MLLT10: variants seen among roughly 807,000 people sequenced by gnomAD.
MLLT10 encodes MLLT10 histone lysine methyltransferase DOT1L cofactor.
A neutral mutation model predicts 129.1 loss-of-function variants in MLLT10; 30 were observed. The observed-to-expected ratio is 0.23, with a 90% CI of 0.17 to 0.32. The LOEUF is 0.32. Among genes scored for constraint, MLLT10 ranks in the 10% least tolerant of loss-of-function variants. The pLI, the probability that MLLT10 is intolerant of heterozygous loss-of-function variation, is 1.00. For missense variants in MLLT10, 1,119 were observed against 1,268.3 expected, an observed-to-expected ratio of 0.88 and a Z score of 1.79; for synonymous variants, 490 against 446.4, an observed-to-expected ratio of 1.10 and a Z score of -1.23.
At chr10:21,619,029 TAC>T (rs66469025) in intron 8 of MLLT10, among the ~76,000 whole-genome samples, 9,073 of 143,674 alleles carry the variant, frequency 0.063, 262 homozygotes, top group South Asian at 0.11. Flanking sequence ...CCTGGTGACA[TAC>T]ACACACACAC....
intron 5 of MLLT10, among the ~76,000 whole-genome samples, chr10:21,610,253 G>A (rs1240280604): frequency 6.6e-6 from 1 of 152,218 alleles, no homozygotes; most frequent in East Asian, 1.9e-4. Flanking sequence ...TGAGGATGGG[G>A]ATCTGTGAAT....
chr10:21,660,589 G>A (rs1451613885), intron 9 of MLLT10, among the ~76,000 whole-genome samples: 2 of 140,364 alleles, frequency 1.4e-5, no homozygotes, highest in Admixed American at 7.2e-5. Context: ...GCACTCCAGC[G>A]CGGGTGACAG....
intron 13 of MLLT10, among the ~76,000 whole-genome samples, chr10:21,700,316 A>G (rs4748761): frequency 0.77 from 116,835 of 152,060 alleles, 45,906 homozygotes; most frequent in East Asian, 0.99. Context: ...CTGCAAAGTA[A>G]TGAATTTTAC....
At chr10:21,593,747 T>C (rs2042731462) in intron 4 of MLLT10, among the ~76,000 whole-genome samples, 2 of 151,448 alleles carry the variant, frequency 1.3e-5, no homozygotes, top group Admixed American at 6.6e-5. Context: ...GTCAACATAG[T>C]GAAACATGGT....
rs920886698 is a variant in MLLT10 at position 21,714,405 on chromosome 10, A to T, written c.1878+455A>T. Among the ~76,000 whole-genome samples the T allele has an allele frequency of 6.6e-5, 10 of 152,228 alleles. No homozygotes were observed. In the East Asian group the frequency reaches 1.9e-3, roughly 29 times the overall value. ...AGACCGAATGACCGCTTCAAGCACT[A>T]CACATTTTTCCTCCTAGTGGGAGAG... On this transcript the variant is annotated intron_variant, in intron 14 of 22. Transcript: ENST00000307729.
chr10:21,603,026 C>T (rs2043704603), intron 5 of MLLT10, among the ~76,000 whole-genome samples: 2 of 151,380 alleles, frequency 1.3e-5, no homozygotes, highest in African/African-American at 2.4e-5. Flanking sequence ...GCCACTGCGC[C>T]CGGCCTATCT....
At chr10:21,609,165 G>C (rs2044353704) in intron 5 of MLLT10, among the ~76,000 whole-genome samples, 1 of 152,048 alleles carries the variant, frequency 6.6e-6, no homozygotes, top group Non-Finnish European at 1.5e-5. Context: ...GACCTCCTAG[G>C]ATTGCCACAC....
intron 9 of MLLT10, among the ~76,000 whole-genome samples, chr10:21,668,633 G>C (rs1269838554): frequency 6.6e-6 from 1 of 151,958 alleles, no homozygotes; most frequent in East Asian, 1.9e-4. Context: ...AAGTTTGATT[G>C]TTTTATTCAT....
At chr10:21,567,960 T>TA (rs1320756935) in intron 3 of MLLT10, among the ~76,000 whole-genome samples, 1 of 151,788 alleles carries the variant, frequency 6.6e-6, no homozygotes, top group Non-Finnish European at 1.5e-5. Context: ...GCTGGGATCA[T>TA]AGGCGCCTTC....
At chr10:21,721,006 A>T (rs1465922123) in intron 14 of MLLT10, among the ~76,000 whole-genome samples, 1 of 152,194 alleles carries the variant, frequency 6.6e-6, no homozygotes, top group Non-Finnish European at 1.5e-5. Context: ...ATATATGGTG[A>T]TAATAAAATG....
intron 10 of MLLT10, 37 bp from the exon 11 acceptor site, chr10:21,673,313 C>CCCA: frequency 1.4e-6 from 1 of 694,374 alleles, no homozygotes; most frequent in East Asian, 4.2e-5. Context: ...CCCCCCACCC[C>CCCA]CCAACTTTTT....
intron 8 of MLLT10, chr10:21,625,823 C>G: frequency 1.3e-6 from 1 of 772,748 alleles, no homozygotes; most frequent in South Asian, 1.3e-5. Flanking sequence ...AAATGCCTAC[C>G]CTCTATTCTG....
At chr10:21,685,912 CAAAA>C (rs1452472002) in intron 13 of MLLT10, among the ~76,000 whole-genome samples, 3 of 151,960 alleles carry the variant, frequency 2.0e-5, no homozygotes, top group African/African-American at 7.3e-5. Flanking sequence ...TAAATACTGA[CAAAA>C]TAAGATGAAT....
In MLLT10 at chr10:21,556,901, A is replaced by G. The variant is rs528758338; in HGVS notation, c.240+17989A>G. The G allele has an allele frequency of 3.7e-5, 57 of 1,550,638 alleles. No individual in the cohort carries two copies. In the Middle Eastern group the frequency reaches 6.7e-4, roughly 18 times the overall value. ...TTATATTTATGGCTTTATGCCATTT[A>G]TCTCAGTTGTCATTTGGCGTTTCAA... On this transcript the variant is annotated intron_variant, in intron 3 of 22. Transcript: ENST00000307729.
chr10:21,534,539 G>T lies in MLLT10; in HGVS notation c.-1+19G>T. The T allele has an allele frequency of 7.8e-7, 1 of 1,285,362 alleles. No individual in the cohort carries two copies. The allele number at this position is 1,285,362 out of a possible 1,614,324, so 79.6% of individuals were successfully genotyped here. ...AGCCCGAGTGAGCGAGCGGTGGGCT[G>T]CCGGGCCGGGCGGGGGGCGCCGGGG... On this transcript the variant is annotated intron_variant, in intron 1 of 22. Transcript: ENST00000307729.
intron 8 of MLLT10, among the ~76,000 whole-genome samples, chr10:21,631,875 A>G (rs921496273): frequency 5.9e-5 from 9 of 151,766 alleles, no homozygotes; most frequent in Non-Finnish European, 1.3e-4. Flanking sequence ...GGTAAGAATC[A>G]TATCCCCTTT....
intron 3 of MLLT10, among the ~76,000 whole-genome samples, chr10:21,556,329 T>C (rs2037954488): frequency 6.6e-6 from 1 of 152,194 alleles, no homozygotes; most frequent in Non-Finnish European, 1.5e-5. Flanking sequence ...TATTGAGTGA[T>C]AGACTTCATC....
At chr10:21,639,544 G>A (rs917270889) in intron 8 of MLLT10, among the ~76,000 whole-genome samples, 4 of 152,208 alleles carry the variant, frequency 2.6e-5, no homozygotes, top group African/African-American at 7.2e-5. Context: ...ATAGTGTGAA[G>A]TATGTCACTG....
At chr10:21,668,521 A>G (rs1328936395) in intron 9 of MLLT10, among the ~76,000 whole-genome samples, 1 of 152,134 alleles carries the variant, frequency 6.6e-6, no homozygotes, top group Non-Finnish European at 1.5e-5. Context: ...ATCTAAAGCT[A>G]AAATTCATTT....
Sources: allele counts gnomAD v4.1 joint callset (sites outside exome capture counted in the v4.1 genomes callset), GRCh38; gene constraint gnomAD v4.1.1; transcripts MANE v1.5; gene names NCBI Gene and HGNC (gene_info 2026-07-23, HGNC 2026-07-21).